ARHGEF10L: variants seen among roughly 807,000 people sequenced by gnomAD.
ARHGEF10L encodes the protein Rho guanine nucleotide exchange factor 10 like.
Under a neutral mutation model 141.2 loss-of-function variants are expected in ARHGEF10L, and 69 were observed. That is an observed-to-expected ratio of 0.49 (90% confidence interval 0.40 to 0.60). The LOEUF is 0.60. ARHGEF10L is among the 20% of genes least tolerant of loss of function. The pLI, the probability that ARHGEF10L is intolerant of heterozygous loss-of-function variation, is 0.00. For missense variants in ARHGEF10L, 1,482 were observed against 1,734.3 expected (o/e 0.85, Z 2.58); for synonymous variants, 711 against 718.5 (o/e 0.99, Z 0.17).
At chr1:17,581,541 G>A (rs1449422523) in intron 2 of ARHGEF10L, among the ~76,000 whole-genome samples, 1 of 152,108 alleles carries the variant, frequency 6.6e-6, no homozygotes, top group African/African-American at 2.4e-5. Context: ...ATCACTATGA[G>A]AGAGGCAGAA....
At chr1:17,681,482 A>G (rs924717457) in intron 26 of ARHGEF10L, among the ~76,000 whole-genome samples, 1 of 152,186 alleles carries the variant, frequency 6.6e-6, no homozygotes, top group African/African-American at 2.4e-5. Flanking sequence ...TTAATCTAGA[A>G]TAATCCCTTT....
chr1:17,589,204 C>T (rs1412393523), intron 4 of ARHGEF10L, among the ~76,000 whole-genome samples: 3 of 152,126 alleles, frequency 2.0e-5, no homozygotes, highest in South Asian at 2.1e-4. Flanking sequence ...TGCCCAGCCT[C>T]GTGGTAGGTG....
At chr1:17,675,531 G>T (rs2063598372) in intron 26 of ARHGEF10L, among the ~76,000 whole-genome samples, 1 of 151,416 alleles carries the variant, frequency 6.6e-6, no homozygotes, top group Admixed American at 6.6e-5. Context: ...GCATGTGTGG[G>T]TGCAGGTATG....
Position 17,648,685 on chromosome 1 carries a change from G to A in ARHGEF10L, c.2394+10G>A. 6.2e-7 allele frequency: 1 copy of A among 1,611,704 alleles called. No homozygotes were observed. Among genetic ancestry groups the A allele is most frequent in the Non-Finnish European group, 8.5e-7 (1 of 1,179,464 alleles). On this transcript the variant is annotated intron_variant, in intron 22 of 28. Transcript: ENST00000361221. ...GGCACTCAGCCTGCAGGTGAGTGGA[G>A]CGGATCTTGCTGAGCCGACCTCGAA...
chr1:17,522,418 G>A, the ARHGEF10L span, among the ~76,000 whole-genome samples: 412 of 152,260 alleles, frequency 2.7e-3, 6 homozygotes, highest in African/African-American at 9.4e-3. Context: ...GCTCAGAGAC[G>A]TCAGGTGAGC....
intron 26 of ARHGEF10L, among the ~76,000 whole-genome samples, chr1:17,671,652 T>G (rs935901226): frequency 1.3e-5 from 2 of 152,198 alleles, no homozygotes; most frequent in Non-Finnish European, 2.9e-5. Context: ...GGGGCTGTGG[T>G]GGGGTTAACT....
At chr1:17,638,205 G>A (rs544551922) in intron 19 of ARHGEF10L, among the ~76,000 whole-genome samples, 19 of 152,342 alleles carry the variant, frequency 1.2e-4, no homozygotes, top group African/African-American at 4.3e-4. Flanking sequence ...TGGTTCGGGC[G>A]CATCCTCTGG....
intron 15 of ARHGEF10L, among the ~76,000 whole-genome samples, chr1:17,629,180 C>A (rs2060543124): frequency 6.6e-6 from 1 of 150,696 alleles, no homozygotes; most frequent in African/African-American, 2.5e-5. Flanking sequence ...GCTACCACAC[C>A]CAGCTAATTA....
intron 26 of ARHGEF10L, among the ~76,000 whole-genome samples, chr1:17,672,008 G>A (rs1282959997): frequency 2.0e-5 from 3 of 152,168 alleles, no homozygotes; most frequent in African/African-American, 4.8e-5. Context: ...AACCGGCTTC[G>A]GAGCATGAAG....
At chr1:17,553,964 T>C (rs72927495) in intron 1 of ARHGEF10L, among the ~76,000 whole-genome samples, 9,184 of 152,150 alleles carry the variant, frequency 0.06, 449 homozygotes, top group East Asian at 0.17. Context: ...ACAAAACGTT[T>C]AGCTAACTTT....
chr1:17,668,114 C>T (rs569804824), intron 26 of ARHGEF10L, among the ~76,000 whole-genome samples: 18 of 152,284 alleles, frequency 1.2e-4, no homozygotes, highest in East Asian at 5.8e-4. Flanking sequence ...GCGAAAGGGC[C>T]GTTTCACACG....
chr1:17,629,588 A>T (rs1044557777), intron 15 of ARHGEF10L, among the ~76,000 whole-genome samples: 48 of 152,228 alleles, frequency 3.2e-4, no homozygotes, highest in African/African-American at 1.1e-3. Flanking sequence ...GCTGGGGAAG[A>T]CGAGATGGGG....
At chr1:17,646,587 C>T (rs957149730) in intron 21 of ARHGEF10L, among the ~76,000 whole-genome samples, 15 of 152,194 alleles carry the variant, frequency 9.9e-5, no homozygotes, top group East Asian at 7.8e-4. Flanking sequence ...CGCGTGCACA[C>T]GTGCACATGT....
rs539280250 is a variant in ARHGEF10L, at chr1:17,625,248, T to C, written c.1318-708T>C. On this transcript the variant is annotated intron_variant, in intron 13 of 28. Coordinates refer to ENST00000361221, the MANE Select transcript of ARHGEF10L (RefSeq NM_018125.4). This position sits in a 1 kb window ranked among gnomAD's most constrained non-coding sequence, Gnocchi z 4.5. ...GAGCCTATATCAGGTGTAAGGATAGTGGAGCAAAGGTTAGAGGCAGGAGGA... is the reference window on the plus strand; with the variant it reads ...GAGCCTATATCAGGTGTAAGGATAGCGGAGCAAAGGTTAGAGGCAGGAGGA... Among the ~76,000 whole-genome samples, 1 of 152,140 alleles carries C rather than the reference T, an allele frequency of 6.6e-6. No homozygotes were observed. The highest frequency in any genetic ancestry group is 1.5e-5 in the Non-Finnish European group (1 of 67,998).
intron 18 of ARHGEF10L, among the ~76,000 whole-genome samples, chr1:17,636,814 T>G (rs2101768897): frequency 6.6e-6 from 1 of 152,190 alleles, no homozygotes; most frequent in Non-Finnish European, 1.5e-5. Flanking sequence ...AGGCTTCCCC[T>G]CCACTCCCCT....
chr1:17,612,635 C>G (rs2059607914), intron 7 of ARHGEF10L, among the ~76,000 whole-genome samples: 1 of 152,240 alleles, frequency 6.6e-6, no homozygotes, highest in African/African-American at 2.4e-5. Flanking sequence ...ATCCATCCAC[C>G]TGCCATCTGT....
chr1:17,636,000 G>T (rs2060976745), intron 18 of ARHGEF10L, among the ~76,000 whole-genome samples: 1 of 152,174 alleles, frequency 6.6e-6, no homozygotes, highest in Non-Finnish European at 1.5e-5. Context: ...GCTGGTCCGT[G>T]ACAGCTGTGC....
chr1:17,587,797 G>A (rs1427209646), intron 3 of ARHGEF10L, 152 bp downstream of exon 3: 5 of 842,700 alleles, frequency 5.9e-6, no homozygotes, highest in Non-Finnish European at 9.0e-6. Context: ...TGCAGTCTGT[G>A]GCTTCCCTGG....
chr1:17,601,646 A>C (rs904534229), intron 4 of ARHGEF10L, among the ~76,000 whole-genome samples: 1 of 152,092 alleles, frequency 6.6e-6, no homozygotes, highest in Non-Finnish European at 1.5e-5. Flanking sequence ...GAGTTCCACC[A>C]TGTTGGCCAG....
Sources: allele counts gnomAD v4.1 joint callset (sites outside exome capture counted in the v4.1 genomes callset), GRCh38; gene constraint gnomAD v4.1.1; non-coding constraint Gnocchi (gnomAD v3.1); transcripts MANE v1.5; gene names NCBI Gene and HGNC (gene_info 2026-07-23, HGNC 2026-07-21).